ADAMTS16: variants seen among roughly 807,000 people sequenced by gnomAD.
ADAMTS16 encodes the protein ADAM metallopeptidase with thrombospondin type 1 motif 16.
A neutral mutation model predicts 145.8 loss-of-function variants in ADAMTS16; 94 were observed. The ratio of observed to expected loss-of-function variants is 0.64; its 90% CI spans 0.55 to 0.77. The LOEUF is 0.77. Ranked by LOEUF, ADAMTS16 falls within the 30% of genes least tolerant of loss-of-function variation. ADAMTS16 has a pLI of 0.00. For synonymous variants in ADAMTS16, 659 were observed against 604.3 expected (o/e 1.09, Z -1.33); for missense variants, 1,585 against 1,591.5 (o/e 1.00, Z 0.07).
chr5:5,151,308 A>C (rs1178549692), intron 3 of ADAMTS16, among the ~76,000 whole-genome samples: 1 of 151,428 alleles, frequency 6.6e-6, no homozygotes, highest in Non-Finnish European at 1.5e-5. Context: ...GCACAATCTC[A>C]GCTCACTGCA....
At chr5:5,141,263 C>T (rs1192542238) in intron 2 of ADAMTS16, among the ~76,000 whole-genome samples, 4 of 152,164 alleles carry the variant, frequency 2.6e-5, no homozygotes, top group Non-Finnish European at 5.9e-5. Context: ...AAAGTTAATG[C>T]TCCAACAATC....
At chr5:5,304,042 G>C (rs1328001174) in intron 20 of ADAMTS16, among the ~76,000 whole-genome samples, 1 of 152,134 alleles carries the variant, frequency 6.6e-6, no homozygotes, top group African/African-American at 2.4e-5. Flanking sequence ...GGGTGTGAGC[G>C]TGAGAATAGG....
intron 21 of ADAMTS16, among the ~76,000 whole-genome samples, chr5:5,311,802 C>T (rs1342634033): frequency 1.3e-5 from 2 of 151,658 alleles, no homozygotes; most frequent in East Asian, 1.9e-4. Flanking sequence ...CTGCAAGCTC[C>T]GCCTCCCGGG....
chr5:5,243,113 A>G (rs769270113), intron 17 of ADAMTS16, among the ~76,000 whole-genome samples: 69 of 152,386 alleles, frequency 4.5e-4, no homozygotes, highest in Admixed American at 1.2e-3. Context: ...GTTGCTCTAA[A>G]TAAATAAGGT....
At chr5:5,191,444 G>C (rs993800955) in intron 7 of ADAMTS16, among the ~76,000 whole-genome samples, 4 of 152,012 alleles carry the variant, frequency 2.6e-5, no homozygotes, top group Admixed American at 6.6e-5. Flanking sequence ...CCTGCACCAC[G>C]AACGTTACAT....
chr5:5,245,956 G>A (rs567320033), intron 17 of ADAMTS16, among the ~76,000 whole-genome samples: 102 of 152,128 alleles, frequency 6.7e-4, no homozygotes, highest in Non-Finnish European at 1.2e-3. Context: ...TGGGGCATTG[G>A]TAATGGGACA....
chr5:5,234,453 C>T (rs976637370), intron 12 of ADAMTS16, among the ~76,000 whole-genome samples: 3 of 152,224 alleles, frequency 2.0e-5, no homozygotes, highest in African/African-American at 4.8e-5. Context: ...TGCAGAGGCA[C>T]TGGGCCCAGA....
intron 17 of ADAMTS16, among the ~76,000 whole-genome samples, chr5:5,244,622 G>C (rs1737386878): frequency 6.6e-6 from 1 of 152,142 alleles, no homozygotes; most frequent in South Asian, 2.1e-4. Flanking sequence ...CAGGTTTACT[G>C]ACTCCCATTC....
At chr5:5,153,149 G>A (rs1049360364) in intron 3 of ADAMTS16, among the ~76,000 whole-genome samples, 8 of 152,158 alleles carry the variant, frequency 5.3e-5, no homozygotes, top group African/African-American at 1.9e-4. Flanking sequence ...TTCTCTAAGG[G>A]GTAATGACTT....
chr5:5,306,299 A>G (rs1200533313), intron 20 of ADAMTS16, among the ~76,000 whole-genome samples: 1 of 152,162 alleles, frequency 6.6e-6, no homozygotes, highest in Admixed American at 6.5e-5. Flanking sequence ...CTTATGCCCC[A>G]TGATGCTGTG....
chr5:5,285,927 C>T (rs1368210243), intron 18 of ADAMTS16, among the ~76,000 whole-genome samples: 3 of 152,204 alleles, frequency 2.0e-5, no homozygotes, highest in Non-Finnish European at 4.4e-5. Flanking sequence ...TTCCCCAGTG[C>T]TTTCCTGAGT....
chr5:5,223,974 A>G (rs972053413), intron 11 of ADAMTS16, among the ~76,000 whole-genome samples: 8 of 152,084 alleles, frequency 5.3e-5, no homozygotes, highest in African/African-American at 1.9e-4. Context: ...CAAAGAAAAT[A>G]TATCACATCT....
intron 11 of ADAMTS16, among the ~76,000 whole-genome samples, chr5:5,224,307 T>C (rs1022005036): frequency 3.0e-5 from 3 of 98,772 alleles, no homozygotes. Context: ...TTCTGTTTTT[T>C]GAGACAGAGT....
intron 18 of ADAMTS16, among the ~76,000 whole-genome samples, chr5:5,291,278 G>A (rs1739304730): frequency 6.6e-6 from 1 of 152,014 alleles, no homozygotes; most frequent in Admixed American, 6.5e-5. Flanking sequence ...AAATAATACT[G>A]CTATAGGAAA....
intron 3 of ADAMTS16, among the ~76,000 whole-genome samples, chr5:5,153,494 A>C (rs976173068): frequency 1.3e-5 from 2 of 152,210 alleles, no homozygotes; most frequent in African/African-American, 2.4e-5. Flanking sequence ...TAAAGGTAAA[A>C]TTAGTTTTAT....
chr5:5,191,606 A>G lies in ADAMTS16; in HGVS notation c.1208-79A>G, dbSNP rs552457869. The G allele has an allele frequency of 6.9e-5, 82 of 1,179,986 alleles. 1 individual carries two copies. The South Asian group carries it at 9.6e-4, about 14-fold the overall frequency. 73.1% of individuals were successfully genotyped at this position (1,179,986 alleles called of 1,614,324 possible). On this transcript the variant is annotated intron_variant, in intron 7 of 22. Transcript: ENST00000274181. ...ATGAACATAAGAACTAAATTTCACT[A>G]AGGGGTAGAAAATAAATATACTATG... is the stretch of plus-strand genomic sequence containing the variant.
rs1019292550 is a variant in ADAMTS16, at chr5:5,269,884, G to T, written c.2789+7101G>T. Among the ~76,000 whole-genome samples, 10 of 152,168 alleles carry T rather than the reference G, an allele frequency of 6.6e-5. No individual in the cohort carries two copies. The highest frequency in any genetic ancestry group is 2.0e-4 in the Admixed American group (3 of 15,284). On this transcript the variant is annotated intron_variant, in intron 18 of 22. Coordinates refer to ENST00000274181, the MANE Select transcript of ADAMTS16 (RefSeq NM_139056.4). The surrounding 1 kb of genome is among the most constrained non-coding windows in gnomAD (Gnocchi z 4.3). ...AAGAGCACTGTGTGCTGGAAGAAAA[G>T]GTGCAGTTCAGCAGCAGAGGGCCAG... is the stretch of plus-strand genomic sequence containing the variant.
chr5:5,186,574 T>A (rs1735505765), intron 5 of ADAMTS16, among the ~76,000 whole-genome samples: 1 of 152,192 alleles, frequency 6.6e-6, no homozygotes, highest in Non-Finnish European at 1.5e-5. Context: ...GCCACTGTAG[T>A]GCAGTAAATC....
intron 11 of ADAMTS16, chr5:5,223,146 T>G: frequency 2.1e-6 from 1 of 473,674 alleles, no homozygotes; most frequent in African/African-American, 1.9e-5. Flanking sequence ...ACAGATTCAG[T>G]CTATTGAGGG....
Sources: allele counts gnomAD v4.1 joint callset (sites outside exome capture counted in the v4.1 genomes callset), GRCh38; gene constraint gnomAD v4.1.1; non-coding constraint Gnocchi (gnomAD v3.1); transcripts MANE v1.5; gene names NCBI Gene and HGNC (gene_info 2026-07-23, HGNC 2026-07-21).